Variants in CAMTA1 observed in about 807,000 individuals in gnomAD.
The protein encoded by CAMTA1 is calmodulin binding transcription activator 1.
A neutral mutation model predicts 170.9 loss-of-function variants in CAMTA1; 27 were observed. The ratio of observed to expected loss-of-function variants is 0.16; its 90% CI spans 0.12 to 0.22. The LOEUF is 0.22. Among genes scored for constraint, CAMTA1 ranks in the 10% least tolerant of loss-of-function variants. The probability of loss-of-function intolerance (pLI) is 1.00; values close to 1 mark genes in which losing one functional copy is unlikely to be tolerated. For missense variants in CAMTA1, 1,619 were observed against 2,217.2 expected (o/e 0.73, Z 5.42); for synonymous variants, 833 against 891.5 (o/e 0.93, Z 1.17).
intron 3 of CAMTA1, among the ~76,000 whole-genome samples, chr1:6,981,595 G>T (rs1487390997): frequency 1.3e-5 from 2 of 151,332 alleles, no homozygotes; most frequent in Non-Finnish European, 2.9e-5. Flanking sequence ...ACTACACATG[G>T]CTAATTTTTA....
chr1:7,368,452 G>A (rs1175700191), intron 5 of CAMTA1, among the ~76,000 whole-genome samples: 6 of 151,236 alleles, frequency 4.0e-5, no homozygotes. Flanking sequence ...TTGGGCGCAG[G>A]CACTGGGCAC....
At chr1:7,342,512 G>C (rs1204799543) in intron 5 of CAMTA1, among the ~76,000 whole-genome samples, 4 of 152,268 alleles carry the variant, frequency 2.6e-5, no homozygotes, top group South Asian at 2.1e-4. Flanking sequence ...GAGGACCCAG[G>C]GGTCTGGGAT....
intron 4 of CAMTA1, among the ~76,000 whole-genome samples, chr1:7,184,817 G>A (rs1573729853): frequency 6.6e-6 from 1 of 152,192 alleles, no homozygotes; most frequent in Non-Finnish European, 1.5e-5. Flanking sequence ...ACAAACGAAA[G>A]CAGCCGTATT....
intron 3 of CAMTA1, among the ~76,000 whole-genome samples, chr1:6,908,412 AGT>A (rs763472082): frequency 6.6e-6 from 1 of 152,202 alleles, no homozygotes; most frequent in Non-Finnish European, 1.5e-5. Flanking sequence ...GCTCGCTGCA[AGT>A]GTGAAGCCAG....
chr1:7,528,806 A>G (rs950596341), intron 6 of CAMTA1, among the ~76,000 whole-genome samples: 5 of 122,496 alleles, frequency 4.1e-5, no homozygotes, highest in African/African-American at 9.3e-5. Context: ...AGGATGGATG[A>G]ATGAATGAAT....
chr1:7,473,439 C>T (rs2093367767), intron 6 of CAMTA1, among the ~76,000 whole-genome samples: 1 of 152,200 alleles, frequency 6.6e-6, no homozygotes, highest in Non-Finnish European at 1.5e-5. Flanking sequence ...GGACAAGTGG[C>T]CTCTCCAGGC....
chr1:7,267,948 G>A (rs6680179), intron 5 of CAMTA1, among the ~76,000 whole-genome samples: 34,252 of 152,106 alleles, frequency 0.23, 4,320 homozygotes, highest in Admixed American at 0.32. Context: ...AATGTCCAGA[G>A]GCTTCCAATG....
rs150887040 is a variant in CAMTA1 at position 6,897,051 on chromosome 1, C to G, written c.234+71841C>G. Among the ~76,000 whole-genome samples the G allele has an allele frequency of 8.5e-5, 13 of 152,300 alleles. No homozygotes were observed. The East Asian group carries it at 2.5e-3, about 29-fold the overall frequency. On this transcript the variant is annotated intron_variant, in intron 3 of 22. Coordinates refer to ENST00000303635, the MANE Select transcript of CAMTA1 (RefSeq NM_015215.4). ...ATTTCAGTTGCTTTTGAGTGAGCAT[C>G]AATTCATTAGACTAGTTTTAAGAGA...
In CAMTA1 at chr1:7,732,733, C is replaced by A; in HGVS notation, c.3066+134C>A. The A allele has an allele frequency of 8.0e-7, 1 of 1,246,596 alleles. No individual in the cohort carries two copies. Among genetic ancestry groups the A allele is most frequent in the Non-Finnish European group, 1.1e-6 (1 of 916,658 alleles). The allele number at this position is 1,246,596 out of a possible 1,614,324, so 77.2% of individuals were successfully genotyped here. On this transcript the variant is annotated intron_variant, in intron 12 of 22. Coordinates refer to ENST00000303635, the MANE Select transcript of CAMTA1 (RefSeq NM_015215.4). The surrounding 1 kb of genome is among the most constrained non-coding windows in gnomAD (Gnocchi z 4.1). Reference sequence around the variant, plus strand: ...TTCAGGCAGAAGGCCTGAGGGAGTACTTTACGGTACCTGTGCTTTTAAGCA... The same window carrying A: ...TTCAGGCAGAAGGCCTGAGGGAGTAATTTACGGTACCTGTGCTTTTAAGCA...
rs541761658 is a variant in CAMTA1 at position 7,031,687 on chromosome 1, G to A, written c.235-59617G>A. 3.9e-5 allele frequency among the ~76,000 whole-genome samples: 6 copies of A among 152,010 alleles called. No individual in the cohort carries two copies. The East Asian group carries it at 5.8e-4, about 15-fold the overall frequency. On this transcript the variant is annotated intron_variant, in intron 3 of 22. Transcript: ENST00000303635. ...CCAGAGTAGCTGGGACTACAGGCGC[G>A]TGCCACCATGCCCAGCTAATTTTTT...
intron 5 of CAMTA1, among the ~76,000 whole-genome samples, chr1:7,341,323 G>A (rs1293834831): frequency 6.6e-6 from 1 of 152,210 alleles, no homozygotes; most frequent in Non-Finnish European, 1.5e-5. Flanking sequence ...AAGAGAAGTG[G>A]AGCCACTGTT....
intron 3 of CAMTA1, among the ~76,000 whole-genome samples, chr1:6,877,662 G>A (rs1013392897): frequency 1.3e-5 from 2 of 152,164 alleles, no homozygotes; most frequent in African/African-American, 4.8e-5. Flanking sequence ...AGGTGGGGTC[G>A]CAAATACTCC....
chr1:7,477,207 C>G (rs560388276), intron 6 of CAMTA1, among the ~76,000 whole-genome samples: 3 of 152,276 alleles, frequency 2.0e-5, no homozygotes, highest in African/African-American at 7.2e-5. Flanking sequence ...GTCTTAGAAG[C>G]CGCCTCGAAA....
chr1:6,867,805 CT>C lies in CAMTA1; in HGVS notation c.234+42603del, dbSNP rs1003605912. Among the ~76,000 whole-genome samples, 152 of 149,746 alleles carry C rather than the reference CT, an allele frequency of 1.0e-3. 1 individual carries two copies. The highest frequency in any genetic ancestry group is 3.5e-3 in the African/African-American group (144 of 40,850). On this transcript the variant is annotated intron_variant, in intron 3 of 22. Transcript: ENST00000303635. ...TCATTGTAATCACCTCTTTTTTTTT[CT>C]TTTTTTTCCCTCCCCCAGAGACTGG...
chr1:7,073,877 G>A (rs1275714002), intron 3 of CAMTA1, among the ~76,000 whole-genome samples: 1 of 152,180 alleles, frequency 6.6e-6, no homozygotes, highest in Non-Finnish European at 1.5e-5. Context: ...GGATGGAATA[G>A]TAACGTTTCT....
intron 3 of CAMTA1, among the ~76,000 whole-genome samples, chr1:7,022,353 C>T (rs1363371202): frequency 6.6e-6 from 1 of 152,078 alleles, no homozygotes; most frequent in Non-Finnish European, 1.5e-5. Flanking sequence ...GGAAAGGCCA[C>T]AGGATGACTC....
Position 7,664,566 on chromosome 1 carries a change from C to T in CAMTA1, c.2019C>T (p.His673=), listed in dbSNP as rs1253865298. 10 of 1,613,086 alleles carry T rather than the reference C, an allele frequency of 6.2e-6. No individual in the cohort carries two copies. The East Asian group carries it at 8.9e-5, about 14-fold the overall frequency. ...ETRIESTSSL[H]LMQFQANFQA... is the part of the protein sequence containing the mutation. Reference sequence around the variant, plus strand: ...GGATCGAGTCCACTTCCTCCCTCCACCTCATGCAGTTCCAGGCCAACTTCC... The same window carrying T: ...GGATCGAGTCCACTTCCTCCCTCCATCTCATGCAGTTCCAGGCCAACTTCC... Residue 673 remains histidine, a synonymous_variant, in exon 9 of 23, where the codon CAC becomes CAT. Coordinates refer to ENST00000303635, the MANE Select transcript of CAMTA1 (RefSeq NM_015215.4).
intron 5 of CAMTA1, among the ~76,000 whole-genome samples, chr1:7,375,972 G>A (rs2086815504): frequency 6.6e-6 from 1 of 152,194 alleles, no homozygotes; most frequent in Non-Finnish European, 1.5e-5. Context: ...CTTCCTATCA[G>A]GAGGCAGGCC....
intron 5 of CAMTA1, among the ~76,000 whole-genome samples, chr1:7,275,047 C>A (rs1670367571): frequency 1.4e-5 from 2 of 145,296 alleles, no homozygotes. Flanking sequence ...GAGGCTGAGA[C>A]AGGAGAATTG....
Sources: allele counts gnomAD v4.1 joint callset (sites outside exome capture counted in the v4.1 genomes callset), GRCh38; gene constraint gnomAD v4.1.1; non-coding constraint Gnocchi (gnomAD v3.1); transcripts MANE v1.5; gene names NCBI Gene and HGNC (gene_info 2026-07-23, HGNC 2026-07-21).